Variants in ZFYVE1 observed in about 807,000 individuals in gnomAD.
The protein encoded by ZFYVE1 is zinc finger FYVE domain-containing protein 1.
ZFYVE1 carries 30 observed loss-of-function variants against 74.4 expected under a neutral mutation model. That is an observed-to-expected ratio of 0.40 (90% CI 0.30 to 0.55). ZFYVE1 has a LOEUF of 0.55. Among genes scored for constraint, ZFYVE1 ranks in the 20% least tolerant of loss-of-function variants. ZFYVE1 has a pLI of 0.42. For missense variants in ZFYVE1, 703 were observed against 1,011.6 expected (o/e 0.69, Z 4.14); for synonymous variants, 335 against 385.1 (o/e 0.87, Z 1.52).
intron 4 of ZFYVE1, 149 bp downstream of exon 4, chr14:72,992,993 AG>A: frequency 1.5e-6 from 1 of 658,594 alleles, no homozygotes. Flanking sequence ...AGCATCTGAC[AG>A]GTGCGGACTC....
Position 72,981,829 on chromosome 14 carries a change from C to G in ZFYVE1, c.1270G>C (p.Asp424His). 1 of 1,614,122 alleles carries G rather than the reference C, an allele frequency of 6.2e-7. No individual in the cohort carries two copies. Among genetic ancestry groups the G allele is most frequent in the Non-Finnish European group, 8.5e-7 (1 of 1,180,028 alleles). Reference protein sequence around the residue: ...DQMAHSSFFPDEYFTCSSLCL... With the variant: ...DQMAHSSFFPHEYFTCSSLCL... ...AAGGAGGAGCAGGTGAAATACTCATCTGGAAAAAAGGAGCTGTGCGCCATC... is the reference window on the plus strand; with the variant it reads ...AAGGAGGAGCAGGTGAAATACTCATGTGGAAAAAAGGAGCTGTGCGCCATC... Residue 424 changes from aspartate (D) to histidine (H), a missense_variant, in exon 5 of 12, where the codon GAT (aspartate) becomes CAT (histidine). Transcript: ENST00000556143.
At chr14:72,994,333 A>G (rs974792549) in intron 3 of ZFYVE1, among the ~76,000 whole-genome samples, 1 of 149,680 alleles carries the variant, frequency 6.7e-6, no homozygotes, top group Non-Finnish European at 1.5e-5. Context: ...AAAAAAAAAA[A>G]AAAAAAAAAA....
chr14:73,008,280 T>C (rs1894021842), intron 2 of ZFYVE1, among the ~76,000 whole-genome samples: 1 of 152,190 alleles, frequency 6.6e-6, no homozygotes, highest in Admixed American at 6.6e-5. Context: ...CTGCCTCAGC[T>C]TCCTAAGTAG....
chr14:72,997,071 G>A (rs958094084), intron 3 of ZFYVE1, among the ~76,000 whole-genome samples: 47 of 152,046 alleles, frequency 3.1e-4, no homozygotes, highest in African/African-American at 1.1e-3. Flanking sequence ...ATCTGCGACC[G>A]TGTCCATATT....
Position 73,024,586 on chromosome 14 carries a change from T to A in ZFYVE1, c.-78A>T. The A allele has an allele frequency of 1.3e-6, 2 of 1,510,352 alleles. No homozygotes were observed. Among genetic ancestry groups the A allele is most frequent in the Non-Finnish European group, 8.8e-7 (1 of 1,130,288 alleles). 93.6% of individuals were successfully genotyped at this position (1,510,352 alleles called of 1,614,324 possible). ...CCGGGGGTGAAGACGAAGATTTGAG[T>A]CTGAAGACTGCACGAAACTTCCACA... On this transcript the variant is annotated 5_prime_UTR_variant, in exon 2 of 12. Coordinates refer to ENST00000556143, the MANE Select transcript of ZFYVE1 (RefSeq NM_021260.4).
At position 72,998,096 on chromosome 14, in the gene ZFYVE1, C is replaced by T. The variant is rs774717092; in HGVS notation, c.703G>A (p.Asp235Asn). Reference protein sequence around the residue: ...YDPVHKVAVIDTEGLLGATVN... With the variant: ...YDPVHKVAVINTEGLLGATVN... ...GTGGCCCCCAGGAGCCCTTCCGTAT[C>T]GATCACTGCTACTTTGTGAACTGGG... The change falls in exon 3 of 12, where the codon GAT (aspartate) becomes AAT (asparagine). Residue 235 changes from aspartate to asparagine, a missense_variant. This residue lies in a region of ZFYVE1 where 492 missense variants were observed against 790.0 expected (regional missense o/e 0.62). Transcript: ENST00000556143. The T allele has an allele frequency of 1.2e-6, 2 of 1,614,076 alleles. No homozygotes were observed. Among genetic ancestry groups the T allele is most frequent in the Non-Finnish European group, 1.7e-6 (2 of 1,180,014 alleles).
intron 2 of ZFYVE1, among the ~76,000 whole-genome samples, chr14:73,000,304 C>A (rs1893840826): frequency 6.6e-6 from 1 of 152,088 alleles, no homozygotes; most frequent in Non-Finnish European, 1.5e-5. Flanking sequence ...CACTTCATAT[C>A]CACAAGACAA....
intron 2 of ZFYVE1, among the ~76,000 whole-genome samples, chr14:73,016,153 G>A (rs1894197191): frequency 6.6e-6 from 1 of 152,120 alleles, no homozygotes; most frequent in Non-Finnish European, 1.5e-5. Flanking sequence ...CTAAGGTGTT[G>A]CCTCTGGCTT....
Position 73,000,060 on chromosome 14 carries a change from AAAAATAAAATAAGAT to A in ZFYVE1, c.484-1760_484-1746del, listed in dbSNP as rs1292088585. On this transcript the variant is annotated intron_variant, in intron 2 of 11. Coordinates refer to ENST00000556143, the MANE Select transcript of ZFYVE1 (RefSeq NM_021260.4). ...GGTGACAGAACAAGAACCTGTCTCA[AAAAATAAAATAAGAT>A]AAAATAAAATAAAATAAATCTAATA... Among the ~76,000 whole-genome samples, 261 of 152,356 alleles carry A rather than the reference AAAAATAAAATAAGAT, an allele frequency of 1.7e-3. 1 individual carries two copies. Among genetic ancestry groups the A allele is most frequent in the African/African-American group, 5.8e-3 (240 of 41,588 alleles).
chr14:72,999,954 G>A (rs915965600), intron 2 of ZFYVE1, among the ~76,000 whole-genome samples: 13 of 151,998 alleles, frequency 8.6e-5, no homozygotes, highest in African/African-American at 2.9e-4. Flanking sequence ...CCAGCTACTC[G>A]GGAGGCTGAG....
chr14:72,978,312 C>T (rs1893228843), intron 6 of ZFYVE1, 78 bp from the exon 7 acceptor site: 2 of 1,444,456 alleles, frequency 1.4e-6, no homozygotes, highest in Non-Finnish European at 9.6e-7. Context: ...TTTACCAGCC[C>T]AGGCTGGTTG....
chr14:73,017,650 C>G (rs1894229105), intron 2 of ZFYVE1, among the ~76,000 whole-genome samples: 1 of 152,194 alleles, frequency 6.6e-6, no homozygotes, highest in Non-Finnish European at 1.5e-5. Context: ...CTCCATCCAA[C>G]ATATCAGCAC....
chr14:73,013,191 G>C (rs1048465162), intron 2 of ZFYVE1, among the ~76,000 whole-genome samples: 3 of 152,186 alleles, frequency 2.0e-5, no homozygotes, highest in Non-Finnish European at 4.4e-5. Flanking sequence ...AGTCAAGCCA[G>C]AGGTCAGCTA....
At chr14:72,976,769 C>G (rs926785244) in intron 8 of ZFYVE1, among the ~76,000 whole-genome samples, 2 of 131,418 alleles carry the variant, frequency 1.5e-5, no homozygotes, top group African/African-American at 5.8e-5. Flanking sequence ...GGTGACAGAG[C>G]AAGACTCCAT....
chr14:72,978,023 G>A lies in ZFYVE1; in HGVS notation c.1539C>T (p.Asn513=), dbSNP rs1395828614. 2 of 1,614,210 alleles carry A rather than the reference G, an allele frequency of 1.2e-6. No homozygotes were observed. Among genetic ancestry groups the A allele is most frequent in the Non-Finnish European group, 1.7e-6 (2 of 1,180,056 alleles). ...AWSGYVIECP[N]CGVVYRSRQY... is the part of the protein sequence containing the mutation. The stretch of plus-strand genomic sequence containing the variant: ...GCCGACTACGATAGACCACGCCACA[G>A]TTAGGACATTCGATCACATACCTAC... Residue 513 remains asparagine (N), a synonymous_variant, in exon 8 of 12, where the codon AAC becomes AAT. Transcript: ENST00000556143.
intron 2 of ZFYVE1, among the ~76,000 whole-genome samples, chr14:73,016,459 T>C (rs12883199): frequency 0.28 from 42,188 of 151,020 alleles, 6,699 homozygotes; most frequent in Middle Eastern, 0.39. Flanking sequence ...TGTAGTGAGC[T>C]TGAGATCGTG....
intron 2 of ZFYVE1, among the ~76,000 whole-genome samples, chr14:73,022,947 G>C (rs1272309059): frequency 6.6e-6 from 1 of 151,906 alleles, no homozygotes. Context: ...TGGATCACTT[G>C]AGGTCAGGAG....
intron 2 of ZFYVE1, among the ~76,000 whole-genome samples, chr14:73,006,747 ACT>A (rs1448886271): frequency 1.3e-4 from 17 of 127,940 alleles, no homozygotes; most frequent in African/African-American, 5.1e-4. Context: ...ACAGAGTCTA[ACT>A]CTGTCGCCCA....
chr14:72,971,057 T>C lies in ZFYVE1; in HGVS notation c.2159A>G (p.His720Arg), dbSNP rs201542290. ...AYWVPDHEIL[H>R]CHNCRKEFSI... ...GAACTCCTTCCGGCAGTTGTGGCAG[T>C]GGAGGATTTCGTGGTCAGGCACCCA... The change falls in exon 12 of 12, where the codon CAC (histidine) becomes CGC (arginine). Residue 720 changes from histidine to arginine, a missense_variant. Physicochemically the swap from His to Arg is conservative, Grantham distance 29. This residue lies in a region of ZFYVE1 where 492 missense variants were observed against 790.0 expected (regional missense o/e 0.62). Transcript: ENST00000556143. The C allele has an allele frequency of 9.9e-6, 16 of 1,614,134 alleles. No homozygotes were observed. The highest frequency in any genetic ancestry group is 1.2e-5 in the Non-Finnish European group (14 of 1,180,024).
Sources: gnomAD v4.1 joint callset for allele counts (sites outside exome capture counted in the v4.1 genomes callset) on GRCh38, gnomAD v4.1.1 for gene constraint, gnomAD v4.1.1 regional missense constraint, MANE v1.5 for transcripts, NCBI Gene and HGNC (gene_info 2026-07-23, HGNC 2026-07-21) for gene names.